Variants in WSB1 observed in about 807,000 individuals in gnomAD.
WSB1 encodes the protein WD repeat and SOCS box-containing protein 1.
WSB1 carries 23 observed loss-of-function variants against 50.2 expected under a neutral mutation model. That is an observed-to-expected ratio of 0.46 (90% CI 0.33 to 0.65). The LOEUF is 0.65. Among genes scored for constraint, WSB1 ranks in the 30% least tolerant of loss-of-function variants. WSB1 has a pLI of 0.02. For missense variants in WSB1, 492 were observed against 522.3 expected (o/e 0.94, Z 0.56); for synonymous variants, 179 against 172.0 (o/e 1.04, Z -0.32).
chr17:27,299,322 G>A lies in WSB1; in HGVS notation c.41-2466G>A, dbSNP rs141892463. Among the ~76,000 whole-genome samples the A allele has an allele frequency of 3.0e-3, 462 of 152,156 alleles. 2 individuals are homozygous for A. The highest frequency in any genetic ancestry group is 0.025 in the Admixed American group (389 of 15,288). On this transcript the variant is annotated intron_variant, in intron 1 of 8. Transcript: ENST00000262394. ...AGCCCAGGAGTTTGAGACCAGCCTG[G>A]GCAACAAAAGGAACACCTACCTTTA... is the stretch of plus-strand genomic sequence containing the variant.
At chr17:27,310,565 A>C (rs1447526803) in intron 7 of WSB1, among the ~76,000 whole-genome samples, 1 of 152,240 alleles carries the variant, frequency 6.6e-6, no homozygotes, top group Non-Finnish European at 1.5e-5. Flanking sequence ...TAGAATATGA[A>C]ATGTCACATG....
Position 27,314,445 on chromosome 17 carries a change from G to A in WSB1, c.*2076G>A, listed in dbSNP as rs1206692930. 1 of 151,818 alleles carries A rather than the reference G, an allele frequency of 6.6e-6. No individual in the cohort carries two copies. The highest frequency in any genetic ancestry group is 1.5e-5 in the Non-Finnish European group (1 of 67,992). 9.4% of individuals were successfully genotyped at this position (151,818 alleles called of 1,614,324 possible). On this transcript the variant is annotated 3_prime_UTR_variant, in exon 9 of 9. Transcript: ENST00000262394. ...ACAAAAATTAGCTGGGCATGGTGGT[G>A]GGTTCCTGTACTCCTAGCTACTTAG...
chr17:27,295,132 C>T (rs1344935505), intron 1 of WSB1, among the ~76,000 whole-genome samples: 1 of 152,164 alleles, frequency 6.6e-6, no homozygotes, highest in Non-Finnish European at 1.5e-5. Flanking sequence ...GGTTGTGCGT[C>T]CACACCTACT....
chr17:27,303,473 T>C lies in WSB1; in HGVS notation c.316T>C (p.Cys106Arg), dbSNP rs368795761. ...TAAGCCTCGTGAACATATTATAGAC[T>C]GTGGAGATATAGTCTGGAGTCTTGC... Reference protein sequence around the residue: ...KNKPREHIIDCGDIVWSLAFG... With the variant: ...KNKPREHIIDRGDIVWSLAFG... Residue 106 changes from cysteine to arginine, a missense_variant, in exon 3 of 9, where the codon TGT (cysteine) becomes CGT (arginine). Cys to Arg is a radical substitution (Grantham distance 180, BLOSUM62 -3). Coordinates refer to ENST00000262394, the MANE Select transcript of WSB1 (RefSeq NM_015626.10). 14 of 1,614,004 alleles carry C rather than the reference T, an allele frequency of 8.7e-6. No homozygotes were observed. The highest frequency in any genetic ancestry group is 1.2e-5 in the Non-Finnish European group (14 of 1,180,032).
At chr17:27,305,939 T>C (rs904678014) in intron 4 of WSB1, among the ~76,000 whole-genome samples, 1 of 152,208 alleles carries the variant, frequency 6.6e-6, no homozygotes, top group African/African-American at 2.4e-5. Flanking sequence ...GGTCCTTGCC[T>C]TATTTCCAGT....
intron 1 of WSB1, among the ~76,000 whole-genome samples, chr17:27,295,922 C>T (rs575524925): frequency 1.2e-3 from 184 of 151,818 alleles, no homozygotes; most frequent in African/African-American, 4.4e-3. Context: ...ACTGCAACCT[C>T]CGGCTCCCGG....
rs2017498089 is a variant in WSB1 at position 27,307,208 on chromosome 17, CTGT to C, written c.711+331_711+333del. ...ATTCCCTTGCTAATTATTTTCTTCTCTGTTGTTCTATTTTTTTGGTCCAGTTTG... is the reference window on the plus strand; with the variant it reads ...ATTCCCTTGCTAATTATTTTCTTCTCTGTTCTATTTTTTTGGTCCAGTTTG... On this transcript the variant is annotated intron_variant, in intron 5 of 8. Coordinates refer to ENST00000262394, the MANE Select transcript of WSB1 (RefSeq NM_015626.10). 4 of 225,710 alleles carry C rather than the reference CTGT, an allele frequency of 1.8e-5. No individual in the cohort carries two copies. In the South Asian group the frequency reaches 2.8e-4, roughly 16 times the overall value. 14.0% of individuals were successfully genotyped at this position (225,710 alleles called of 1,614,324 possible).
intron 7 of WSB1, among the ~76,000 whole-genome samples, chr17:27,310,826 CT>C (rs1038739789): frequency 2.1e-5 from 3 of 145,490 alleles, no homozygotes; most frequent in African/African-American, 8.1e-5. Flanking sequence ...GGGTGAAAAG[CT>C]TTTTTTCCTT....
intron 3 of WSB1, among the ~76,000 whole-genome samples, chr17:27,304,525 T>TC (rs2017362937): frequency 1.1e-5 from 1 of 94,974 alleles, no homozygotes; most frequent in African/African-American, 5.1e-5. Flanking sequence ...ATAGTGAGAC[T>TC]CCATCTCTCC....
chr17:27,309,006 A>C (rs750615999), intron 5 of WSB1, 94 bp from the exon 6 acceptor site: 38 of 1,397,880 alleles, frequency 2.7e-5, no homozygotes, highest in Non-Finnish European at 3.5e-5. Context: ...TGCTTAATAT[A>C]ATCTTAATTA....
Position 27,294,145 on chromosome 17 carries a change from A to G in WSB1, c.-251A>G, listed in dbSNP as rs1042151238. On this transcript the variant is annotated 5_prime_UTR_variant, in exon 1 of 9. Coordinates refer to ENST00000262394, the MANE Select transcript of WSB1 (RefSeq NM_015626.10). ...TCGTTTGCAGTCGGCGCTTTAGGGG[A>G]ACTGTCTTCCTCCGCAGGCGCGAGG... 8.8e-6 allele frequency: 3 copies of G among 341,738 alleles called. No homozygotes were observed. The highest frequency in any genetic ancestry group is 1.6e-5 in the Non-Finnish European group (3 of 188,322). The allele number at this position is 341,738 out of a possible 1,614,324, so 21.2% of individuals were successfully genotyped here.
intron 5 of WSB1, chr17:27,308,362 A>G: frequency 2.0e-6 from 2 of 985,352 alleles, no homozygotes; most frequent in South Asian, 9.4e-5. Flanking sequence ...TTTAGAATCT[A>G]AAATTGTATA....
chr17:27,297,689 C>T (rs1371357613), intron 1 of WSB1, among the ~76,000 whole-genome samples: 1 of 152,150 alleles, frequency 6.6e-6, no homozygotes. Context: ...CTCATGGGCT[C>T]AAGTGATCCA....
intron 2 of WSB1, 105 bp from the exon 3 acceptor site, chr17:27,303,262 A>G (rs1475716832): frequency 7.9e-7 from 1 of 1,261,484 alleles, no homozygotes. Flanking sequence ...TGGTGTCATT[A>G]TAATAATATT....
chr17:27,310,261 A>C, intron 7 of WSB1, 87 bp downstream of exon 7: 1 of 1,203,494 alleles, frequency 8.3e-7, no homozygotes, highest in Non-Finnish European at 1.2e-6. Context: ...AAGAGTTTTA[A>C]TGTCTCTTCC....
Position 27,301,797 on chromosome 17 carries a change from G to T in WSB1, c.50G>T (p.Arg17Leu), listed in dbSNP as rs763363841. The T allele has an allele frequency of 7.4e-6, 12 of 1,613,774 alleles. No homozygotes were observed. In the African/African-American group the frequency reaches 9.3e-5, roughly 13 times the overall value. ...RVNEKEIVRL[R>L]TIGELLAPAA... ...TTATTTTTCCTTTTAGTGAGATTAC[G>T]TACTATAGGTGAACTTTTAGCTCCT... Residue 17 changes from arginine to leucine, a missense_variant, in exon 2 of 9, where the codon CGT (arginine) becomes CTT (leucine). Physicochemically the swap from Arg to Leu is moderately radical, Grantham distance 102 (BLOSUM62 -2). Coordinates refer to ENST00000262394, the MANE Select transcript of WSB1 (RefSeq NM_015626.10).
chr17:27,312,172 T>C lies in WSB1; in HGVS notation c.1107-38T>C, dbSNP rs751144815. On this transcript the variant is annotated intron_variant, in intron 8 of 8. Transcript: ENST00000262394. ...AGCTGTAGCAACACTGAAATACATA[T>C]ACTTGGGTGACTAAGCATGTGCTTT... is the stretch of plus-strand genomic sequence containing the variant. 4.4e-6 allele frequency: 7 copies of C among 1,586,118 alleles called. No homozygotes were observed. In the Admixed American group the frequency reaches 5.6e-5, roughly 13 times the overall value.
At chr17:27,297,739 C>T (rs183531029) in intron 1 of WSB1, among the ~76,000 whole-genome samples, 6 of 152,236 alleles carry the variant, frequency 3.9e-5, no homozygotes, top group African/African-American at 1.4e-4. Flanking sequence ...TACCAGTGTG[C>T]CTGTCCTATT....
intron 3 of WSB1, among the ~76,000 whole-genome samples, chr17:27,304,335 C>G (rs941726444): frequency 3.3e-5 from 5 of 151,722 alleles, no homozygotes; most frequent in Admixed American, 6.6e-5. Flanking sequence ...TGTTTGAAAA[C>G]TAAAGTTGTG....
Sources: allele counts gnomAD v4.1 joint callset (sites outside exome capture counted in the v4.1 genomes callset), GRCh38; gene constraint gnomAD v4.1.1; transcripts MANE v1.5; gene names NCBI Gene and HGNC (gene_info 2026-07-23, HGNC 2026-07-21).